YTHDF3: variants seen among roughly 807,000 people sequenced by gnomAD.
YTHDF3 encodes the protein YTH N6-methyladenosine RNA binding protein F3.
Under a neutral mutation model 52.5 loss-of-function variants are expected in YTHDF3, and 9 were observed. The observed-to-expected ratio is 0.17, with a 90% CI of 0.10 to 0.30. The LOEUF (loss-of-function observed/expected upper bound fraction) is 0.30, where lower values mean the gene tolerates loss of function less well. Ranked by LOEUF, YTHDF3 falls within the 10% of genes least tolerant of loss-of-function variation. The probability of loss-of-function intolerance (pLI) is 1.00; values close to 1 mark genes in which losing one functional copy is unlikely to be tolerated. For synonymous variants in YTHDF3, 274 were observed against 243.3 expected, an observed-to-expected ratio of 1.13 and a Z score of -1.18; for missense variants, 534 against 715.0, an observed-to-expected ratio of 0.75 and a Z score of 2.89.
chr8:63,197,072 T>C (rs1439041159), intron 4 of YTHDF3, among the ~76,000 whole-genome samples: 1 of 152,186 alleles, frequency 6.6e-6, no homozygotes, highest in African/African-American at 2.4e-5. Flanking sequence ...GTGTGGGCCC[T>C]TGGTTGGGAA....
intron 4 of YTHDF3, among the ~76,000 whole-genome samples, chr8:63,189,225 A>G (rs1808756357): frequency 6.6e-6 from 1 of 152,174 alleles, no homozygotes; most frequent in African/African-American, 2.4e-5. Flanking sequence ...AAAATATCCT[A>G]TTGAGTGGCC....
intron 3 of YTHDF3, among the ~76,000 whole-genome samples, chr8:63,178,306 T>C (rs1037650570): frequency 3.3e-5 from 5 of 152,162 alleles, no homozygotes; most frequent in African/African-American, 4.8e-5. Flanking sequence ...CCCACCAGTG[T>C]AGCAACTAGC....
At chr8:63,181,152 G>T (rs1808106702) in intron 3 of YTHDF3, among the ~76,000 whole-genome samples, 1 of 152,226 alleles carries the variant, frequency 6.6e-6, no homozygotes, top group Non-Finnish European at 1.5e-5. Flanking sequence ...GTCTGCTTGT[G>T]TGTTTGGGAA....
chr8:63,201,753 T>TA (rs1809657641), intron 4 of YTHDF3, among the ~76,000 whole-genome samples: 1 of 152,226 alleles, frequency 6.6e-6, no homozygotes, highest in South Asian at 2.1e-4. Context: ...AATCTACAAT[T>TA]AGAGAACTAG....
At chr8:63,176,131 A>T (rs12678231) in intron 3 of YTHDF3, among the ~76,000 whole-genome samples, 12,728 of 152,240 alleles carry the variant, frequency 0.084, 770 homozygotes, top group East Asian at 0.36. Context: ...TACTAAAAAT[A>T]AGCCACTGAT....
chr8:63,174,774 CATAATT>C (rs1271555845), intron 2 of YTHDF3, among the ~76,000 whole-genome samples: 5 of 152,160 alleles, frequency 3.3e-5, no homozygotes, highest in Admixed American at 6.5e-5. Context: ...TTAGATATTT[CATAATT>C]ATAAGTCTAT....
At chr8:63,176,524 C>G (rs1224621656) in intron 3 of YTHDF3, among the ~76,000 whole-genome samples, 5 of 152,194 alleles carry the variant, frequency 3.3e-5, no homozygotes, top group Middle Eastern at 3.4e-3. Flanking sequence ...TCATGATCCG[C>G]CCGCCTCGGC....
At chr8:63,198,109 G>A (rs1260983803) in intron 4 of YTHDF3, among the ~76,000 whole-genome samples, 3 of 152,162 alleles carry the variant, frequency 2.0e-5, no homozygotes, top group Non-Finnish European at 2.9e-5. Flanking sequence ...GAGCCCTGCC[G>A]TTTATGCAGA....
chr8:63,207,327 C>T (rs1042350821), intron 4 of YTHDF3, among the ~76,000 whole-genome samples: 2 of 152,004 alleles, frequency 1.3e-5, no homozygotes, highest in African/African-American at 4.8e-5. Flanking sequence ...AGGTTTATTT[C>T]TTATAAATTA....
At chr8:63,180,423 G>A (rs1402859370) in intron 3 of YTHDF3, among the ~76,000 whole-genome samples, 9 of 151,476 alleles carry the variant, frequency 5.9e-5, no homozygotes, top group African/African-American at 1.7e-4. Flanking sequence ...GATGGCGGCC[G>A]GGAAGAGGCG....
At chr8:63,172,485 T>C (rs557542046) in intron 2 of YTHDF3, among the ~76,000 whole-genome samples, 7 of 152,346 alleles carry the variant, frequency 4.6e-5, no homozygotes, top group Admixed American at 3.3e-4. Flanking sequence ...CGAAAAGTAG[T>C]GGAAAATGCC....
intron 4 of YTHDF3, among the ~76,000 whole-genome samples, chr8:63,200,857 TAAA>T (rs1809586734): frequency 1.3e-5 from 2 of 152,172 alleles, no homozygotes; most frequent in African/African-American, 2.4e-5. Flanking sequence ...GATTTCATAA[TAAA>T]GTCAAGACAG....
At chr8:63,181,253 A>G (rs1302026624) in intron 3 of YTHDF3, among the ~76,000 whole-genome samples, 2 of 152,198 alleles carry the variant, frequency 1.3e-5, no homozygotes, top group African/African-American at 2.4e-5. Flanking sequence ...TAGTTAAGGT[A>G]TTCATTAGTT....
chr8:63,192,767 A>G (rs1808992930), intron 4 of YTHDF3, among the ~76,000 whole-genome samples: 1 of 151,736 alleles, frequency 6.6e-6, no homozygotes, highest in Non-Finnish European at 1.5e-5. Flanking sequence ...ACTTCATTGA[A>G]AAGAACAAAT....
At chr8:63,188,513 T>C (rs1808678959) in intron 4 of YTHDF3, among the ~76,000 whole-genome samples, 1 of 147,780 alleles carries the variant, frequency 6.8e-6, no homozygotes, top group Non-Finnish European at 1.5e-5. Context: ...TTATTGTAGA[T>C]AGAGGGTTTC....
At chr8:63,172,746 CTA>C (rs1807413544) in intron 2 of YTHDF3, 1 of 1,231,126 alleles carries the variant, frequency 8.1e-7, no homozygotes, top group African/African-American at 1.6e-5. Context: ...GGCCCATGTT[CTA>C]TCTTGATTTG....
intron 3 of YTHDF3, among the ~76,000 whole-genome samples, chr8:63,182,955 C>CTTTTTTTTTTTT (rs11381385): frequency 2.8e-5 from 4 of 143,620 alleles, no homozygotes; most frequent in Non-Finnish European, 3.0e-5. Flanking sequence ...ACAGTTTTAT[C>CTTTTTTTTTTTT]TTTTTTTTTT....
intron 3 of YTHDF3, among the ~76,000 whole-genome samples, chr8:63,178,549 A>G (rs910373849): frequency 6.6e-6 from 1 of 152,232 alleles, no homozygotes; most frequent in East Asian, 1.9e-4. Flanking sequence ...TGGAATCAAC[A>G]TATTTGTATC....
At chr8:63,184,788 C>G (rs1445438464) in intron 3 of YTHDF3, among the ~76,000 whole-genome samples, 9 of 152,142 alleles carry the variant, frequency 5.9e-5, no homozygotes, top group Admixed American at 6.5e-5. Context: ...GTTGTACTGA[C>G]AATATTAGTG....
Sources: allele counts gnomAD v4.1 joint callset (sites outside exome capture counted in the v4.1 genomes callset), GRCh38; gene constraint gnomAD v4.1.1; transcripts MANE v1.5; gene names NCBI Gene and HGNC (gene_info 2026-07-23, HGNC 2026-07-21).